Variants in ZNF407 observed in about 807,000 individuals in gnomAD.
The protein encoded by ZNF407 is zinc finger protein 407.
Under a neutral mutation model 131.2 loss-of-function variants are expected in ZNF407, and 17 were observed. That is an observed-to-expected ratio of 0.13 (90% CI 0.09 to 0.19). The LOEUF (loss-of-function observed/expected upper bound fraction) is 0.19, where lower values mean the gene tolerates loss of function less well. Among genes scored for constraint, ZNF407 ranks in the 10% least tolerant of loss-of-function variants. The probability of loss-of-function intolerance (pLI) is 1.00; values close to 1 mark genes in which losing one functional copy is unlikely to be tolerated. For synonymous variants in ZNF407, 1,156 were observed against 1,062.0 expected, an observed-to-expected ratio of 1.09 and a Z score of -1.72; for missense variants, 2,681 against 2,830.6, an observed-to-expected ratio of 0.95 and a Z score of 1.20.
intron 3 of ZNF407, among the ~76,000 whole-genome samples, chr18:74,712,699 T>C (rs1967794514): frequency 6.6e-6 from 1 of 152,140 alleles, no homozygotes. Flanking sequence ...TAGAGGACTA[T>C]TGGGTAGATA....
At chr18:74,721,830 C>T (rs1968043793) in intron 3 of ZNF407, among the ~76,000 whole-genome samples, 1 of 152,116 alleles carries the variant, frequency 6.6e-6, no homozygotes, top group African/African-American at 2.4e-5. Flanking sequence ...ATTTTCTCCA[C>T]CTTCTTTATT....
intron 4 of ZNF407, among the ~76,000 whole-genome samples, chr18:74,869,625 T>C (rs1183355142): frequency 1.3e-5 from 2 of 152,186 alleles, no homozygotes; most frequent in East Asian, 3.9e-4. Context: ...TTACCCTGTA[T>C]AGATGGGGTT....
chr18:74,646,405 A>G (rs969549445), intron 3 of ZNF407, among the ~76,000 whole-genome samples: 3 of 152,188 alleles, frequency 2.0e-5, no homozygotes, highest in African/African-American at 7.2e-5. Flanking sequence ...AACATCTCTC[A>G]GTTTTGTAAA....
intron 4 of ZNF407, among the ~76,000 whole-genome samples, chr18:74,789,090 G>A (rs1309229354): frequency 2.6e-5 from 4 of 152,146 alleles, no homozygotes; most frequent in South Asian, 2.1e-4. Flanking sequence ...TTGAATCTTC[G>A]GGTTGATGTC....
At position 74,852,164 on chromosome 18, in the gene ZNF407, TACACACACACAC is replaced by T. The variant is rs10539805; in HGVS notation, c.4878-25010_4878-24999del. On this transcript the variant is annotated intron_variant, in intron 4 of 8. Coordinates refer to ENST00000299687, the MANE Select transcript of ZNF407 (RefSeq NM_017757.3). ...TTTATCTGTATGCATGGATGCATGC[TACACACACACAC>T]ACACACACACACACACACACACGCA... 1.4e-3 allele frequency among the ~76,000 whole-genome samples: 205 copies of T among 149,668 alleles called. No homozygotes were observed. The South Asian group carries it at 0.014, about 10-fold the overall frequency.
intron 8 of ZNF407, among the ~76,000 whole-genome samples, chr18:74,967,164 G>A (rs1972418889): frequency 6.6e-6 from 1 of 152,152 alleles, no homozygotes; most frequent in Admixed American, 6.5e-5. Flanking sequence ...TGAAGTGGGA[G>A]GATCACCTGA....
chr18:74,731,391 AT>A (rs1456165529), intron 3 of ZNF407, among the ~76,000 whole-genome samples: 1 of 152,092 alleles, frequency 6.6e-6, no homozygotes. Flanking sequence ...CTAGTCATGA[AT>A]TTTTTTAGGC....
chr18:75,018,915 C>G (rs1973075758), intron 8 of ZNF407, among the ~76,000 whole-genome samples: 1 of 152,076 alleles, frequency 6.6e-6, no homozygotes, highest in African/African-American at 2.4e-5. Flanking sequence ...TATATTAACT[C>G]TTTAACTGCT....
intron 8 of ZNF407, among the ~76,000 whole-genome samples, chr18:74,922,072 A>G (rs1366207841): frequency 8.5e-5 from 13 of 152,228 alleles, no homozygotes; most frequent in Non-Finnish European, 1.5e-5. Flanking sequence ...TTGGCAAACA[A>G]ACAAAAACAG....
At chr18:74,821,717 G>A (rs1298366526) in intron 4 of ZNF407, among the ~76,000 whole-genome samples, 1 of 152,154 alleles carries the variant, frequency 6.6e-6, no homozygotes, top group African/African-American at 2.4e-5. Context: ...TGTGAATAGT[G>A]CCGCAATAAA....
At chr18:74,963,088 A>G (rs1273959517) in intron 8 of ZNF407, among the ~76,000 whole-genome samples, 1 of 152,086 alleles carries the variant, frequency 6.6e-6, no homozygotes, top group African/African-American at 2.4e-5. Flanking sequence ...GTTTCTTTGT[A>G]AAATCCAATC....
intron 7 of ZNF407, among the ~76,000 whole-genome samples, chr18:74,909,371 C>T (rs2554123): frequency 0.97 from 147,694 of 152,178 alleles, 71,846 homozygotes; most frequent in East Asian, 1. Context: ...CCTGAACATA[C>T]TTAATGTTAT....
intron 8 of ZNF407, among the ~76,000 whole-genome samples, chr18:74,988,073 C>T (rs1022436026): frequency 3.9e-5 from 6 of 152,150 alleles, no homozygotes; most frequent in African/African-American, 1.4e-4. Context: ...ATAATGAAGA[C>T]ATATGGATGC....
intron 8 of ZNF407, among the ~76,000 whole-genome samples, chr18:74,963,061 C>T (rs1050228978): frequency 8.5e-5 from 13 of 152,304 alleles, no homozygotes; most frequent in Non-Finnish European, 1.9e-4. Flanking sequence ...ATCATTGGAG[C>T]TCCACAGTTC....
At chr18:74,832,025 G>C (rs1254851616) in intron 4 of ZNF407, among the ~76,000 whole-genome samples, 2 of 152,246 alleles carry the variant, frequency 1.3e-5, no homozygotes. Context: ...CCTTGGCGCT[G>C]TGAAAATACT....
At chr18:75,047,471 C>A (rs1261983116) in intron 8 of ZNF407, among the ~76,000 whole-genome samples, 1 of 152,182 alleles carries the variant, frequency 6.6e-6, no homozygotes, top group African/African-American at 2.4e-5. Flanking sequence ...CACCCTGGCC[C>A]AGCATACTGC....
intron 4 of ZNF407, among the ~76,000 whole-genome samples, chr18:74,790,834 T>C (rs939598408): frequency 6.6e-6 from 1 of 152,212 alleles, no homozygotes; most frequent in Non-Finnish European, 1.5e-5. Flanking sequence ...AAAGAGAATC[T>C]ATCTGAAGTA....
In ZNF407 at chr18:74,633,938, A is replaced by G; in HGVS notation, c.2919A>G (p.Val973=). 1 of 1,614,008 alleles carries G rather than the reference A, an allele frequency of 6.2e-7. No individual in the cohort carries two copies. The highest frequency in any genetic ancestry group is 8.5e-7 in the Non-Finnish European group (1 of 1,179,896). Reference sequence around the variant, plus strand: ...CAATTGAAGCTGAAGTTGAAAATGTATTTCATTCTCTAGATGGAGAAGTTA... The same window carrying G: ...CAATTGAAGCTGAAGTTGAAAATGTGTTTCATTCTCTAGATGGAGAAGTTA... ...GNSIEAEVEN[V]FHSLDGEVNS... The change falls in exon 2 of 9, where the codon GTA becomes GTG. Residue 973 remains valine, a synonymous_variant. Transcript: ENST00000299687.
chr18:74,874,525 C>T (rs899828364), intron 4 of ZNF407, among the ~76,000 whole-genome samples: 8 of 151,952 alleles, frequency 5.3e-5, no homozygotes, highest in Non-Finnish European at 1.0e-4. Context: ...GAGTCACAGC[C>T]GGCGAGGAAG....
Sources: gnomAD v4.1 joint callset for allele counts (sites outside exome capture counted in the v4.1 genomes callset) on GRCh38, gnomAD v4.1.1 for gene constraint, MANE v1.5 for transcripts, NCBI Gene and HGNC (gene_info 2026-07-23, HGNC 2026-07-21) for gene names.